MICU3: variants seen among roughly 807,000 people sequenced by gnomAD.
MICU3 encodes the protein mitochondrial calcium uptake 3, also known as calcium uptake protein 3, mitochondrial.
MICU3 carries 62 observed loss-of-function variants against 66.5 expected under a neutral mutation model. The ratio of observed to expected loss-of-function variants is 0.93; its 90% CI spans 0.76 to 1.15. The LOEUF (loss-of-function observed/expected upper bound fraction) is 1.15. MICU3 is among the 50% of genes most tolerant of loss of function. The pLI is 0.00. For synonymous variants in MICU3, 308 were observed against 240.7 expected, an observed-to-expected ratio of 1.28 and a Z score of -2.59; for missense variants, 779 against 664.4, an observed-to-expected ratio of 1.17 and a Z score of -1.90.
the MICU3 span, among the ~76,000 whole-genome samples, chr8:17,127,700 T>A: frequency 6.6e-6 from 1 of 152,202 alleles, no homozygotes; most frequent in South Asian, 2.1e-4. Context: ...TTTATTGCCT[T>A]TTATTTTTGT....
intron 3 of MICU3, among the ~76,000 whole-genome samples, chr8:17,071,234 A>G (rs964484917): frequency 1.3e-5 from 2 of 152,158 alleles, no homozygotes; most frequent in African/African-American, 4.8e-5. Flanking sequence ...ATGACAAAAT[A>G]TCACAGATTG....
At chr8:17,073,794 C>T (rs909874905) in intron 3 of MICU3, among the ~76,000 whole-genome samples, 1 of 151,938 alleles carries the variant, frequency 6.6e-6, no homozygotes, top group African/African-American at 2.4e-5. Context: ...AATAGAGAAA[C>T]CCAGGATAAA....
chr8:17,107,526 G>A (rs1012720175), intron 11 of MICU3, among the ~76,000 whole-genome samples: 5 of 152,058 alleles, frequency 3.3e-5, no homozygotes, highest in Admixed American at 3.3e-4. Context: ...AAGAGTGACT[G>A]TAAGAGTGAT....
intron 8 of MICU3, among the ~76,000 whole-genome samples, chr8:17,095,134 A>G (rs1372606101): frequency 6.6e-6 from 1 of 151,964 alleles, no homozygotes; most frequent in Non-Finnish European, 1.5e-5. Flanking sequence ...TGTCAAAGTT[A>G]CTTTGTATTC....
chr8:17,131,510 C>T, the MICU3 span: 1 of 152,898 alleles, frequency 6.5e-6, no homozygotes, highest in Non-Finnish European at 1.5e-5. Context: ...GAGAAGCAGC[C>T]CTCTAGGAGC....
rs1471120287 is a variant in MICU3 at position 17,086,880 on chromosome 8, T to G, written c.778-84T>G. The G allele has an allele frequency of 4.9e-6, 4 of 820,534 alleles. No homozygotes were observed. The East Asian group carries it at 1.0e-4, about 21-fold the overall frequency. The allele number at this position is 820,534 out of a possible 1,614,324, so 50.8% of individuals were successfully genotyped here. A position where few individuals can be genotyped will look rare whatever the true frequency, so the allele number is the denominator to read the frequency against. ...GTGGATGAAGCTGTTTTCTTTGTTT[T>G]TGGAATATACCTAGTCCAGAATAGT... On this transcript the variant is annotated intron_variant, in intron 6 of 14. Transcript: ENST00000318063.
At chr8:17,057,905 T>C (rs890843360) in intron 1 of MICU3, among the ~76,000 whole-genome samples, 2 of 152,074 alleles carry the variant, frequency 1.3e-5, no homozygotes, top group African/African-American at 4.8e-5. Flanking sequence ...TGGAGTGCAA[T>C]GGTGTGTTCT....
chr8:17,064,965 G>A (rs1464446919), intron 2 of MICU3, among the ~76,000 whole-genome samples: 5 of 152,080 alleles, frequency 3.3e-5, no homozygotes, highest in Non-Finnish European at 5.9e-5. Flanking sequence ...AATGAGAACC[G>A]AGGATTTCTG....
At chr8:17,122,689 C>T (rs1455104170), downstream of MICU3, 1 of 152,000 alleles carries the variant, frequency 6.6e-6, no homozygotes, top group East Asian at 1.9e-4. Context: ...TAATGACTTT[C>T]TGAAAATGTA....
chr8:17,071,585 A>T (rs1819593966), intron 3 of MICU3, among the ~76,000 whole-genome samples: 1 of 152,150 alleles, frequency 6.6e-6, no homozygotes, highest in African/African-American at 2.4e-5. Context: ...CACAATTGAG[A>T]CCATAATATG....
chr8:17,128,413 G>A, the MICU3 span, among the ~76,000 whole-genome samples: 1 of 152,184 alleles, frequency 6.6e-6, no homozygotes, highest in African/African-American at 2.4e-5. Context: ...TGCAGAAAAT[G>A]CATATGTTGG....
Position 17,054,742 on chromosome 8 carries a change from T to C in MICU3, c.382-9342T>C, listed in dbSNP as rs907744976. Among the ~76,000 whole-genome samples the C allele has an allele frequency of 2.2e-4, 24 of 107,710 alleles. 1 individual carries two copies. Among genetic ancestry groups the C allele is most frequent in the Non-Finnish European group, 3.6e-4 (21 of 58,318 alleles). 70.7% of individuals were successfully genotyped at this position (107,710 alleles called of 152,430 possible). On this transcript the variant is annotated intron_variant, in intron 1 of 14. Transcript: ENST00000318063. The stretch of plus-strand genomic sequence containing the variant: ...TCTTTTTCTTTTTCTTTCTTTCTTT[T>C]TTTTTTTTTTTTTTTGAGACAGAGT...
chr8:17,101,326 G>T (rs1801238376), intron 9 of MICU3, among the ~76,000 whole-genome samples: 1 of 151,632 alleles, frequency 6.6e-6, no homozygotes, highest in Admixed American at 6.6e-5. Flanking sequence ...TCAGTCCTTG[G>T]GTGATGTAAG....
Position 17,057,870 on chromosome 8 carries a change from G to A in MICU3, c.382-6214G>A, listed in dbSNP as rs144326020. ...TTGTTGTTGTTGTTGTTGTTGAGAC[G>A]GAGTTTCACTTTTGTTGCCCAGGCT... On this transcript the variant is annotated intron_variant, in intron 1 of 14. Coordinates refer to ENST00000318063, the MANE Select transcript of MICU3 (RefSeq NM_181723.3). 3.4e-3 allele frequency among the ~76,000 whole-genome samples: 504 copies of A among 149,698 alleles called. 4 individuals carry two copies. The highest frequency in any genetic ancestry group is 0.011 in the African/African-American group (466 of 41,176).
At chr8:17,116,784 C>T (rs1802725622) in intron 13 of MICU3, among the ~76,000 whole-genome samples, 184 bp downstream of exon 13, 1 of 152,046 alleles carries the variant, frequency 6.6e-6, no homozygotes, top group Non-Finnish European at 1.5e-5. Flanking sequence ...AAAGAGAATG[C>T]TTTTTAAAAA....
In MICU3 at chr8:17,099,606, C is replaced by T. The variant is rs1437803672; in HGVS notation, c.984+1053C>T. ...ATAAATGTGATGTAATTATGACCAA[C>T]AATTACCTTTTAAAATTACCTTTTC... On this transcript the variant is annotated intron_variant, in intron 9 of 14. Transcript: ENST00000318063. Among the ~76,000 whole-genome samples, 4 of 151,874 alleles carry T rather than the reference C, an allele frequency of 2.6e-5. No individual in the cohort carries two copies. The East Asian group carries it at 5.8e-4, about 22-fold the overall frequency.
intron 7 of MICU3, among the ~76,000 whole-genome samples, chr8:17,089,094 A>G (rs988977782): frequency 4.6e-5 from 7 of 151,988 alleles, no homozygotes; most frequent in Non-Finnish European, 8.8e-5. Context: ...TTGTTTATTT[A>G]TAAACGAATG....
At chr8:17,087,098 A>C in intron 7 of MICU3, 63 bp downstream of exon 7, 1 of 1,072,052 alleles carries the variant, frequency 9.3e-7, no homozygotes, top group Non-Finnish European at 1.4e-6. Flanking sequence ...TATTCATGTT[A>C]AGAAACAATA....
rs574725971 is a variant in MICU3 at position 17,045,375 on chromosome 8, G to C, written c.381+17715G>C. Among the ~76,000 whole-genome samples, 10 of 152,276 alleles carry C rather than the reference G, an allele frequency of 6.6e-5. No individual in the cohort carries two copies. In the East Asian group the frequency reaches 1.9e-3, roughly 29 times the overall value. On this transcript the variant is annotated intron_variant, in intron 1 of 14. Transcript: ENST00000318063. ...TGCCCCATACCCTGGAGGAAGGAAT[G>C]CTGCACAGAGAGGTCAAGAAGAATC...
Sources: allele counts gnomAD v4.1 joint callset (sites outside exome capture counted in the v4.1 genomes callset), GRCh38; gene constraint gnomAD v4.1.1; transcripts MANE v1.5; gene names NCBI Gene and HGNC (gene_info 2026-07-23, HGNC 2026-07-21).